KALRN: variants seen among roughly 807,000 people sequenced by gnomAD.
KALRN encodes the protein kalirin.
A neutral mutation model predicts 353.7 loss-of-function variants in KALRN; 70 were observed. The observed-to-expected ratio is 0.20, with a 90% CI of 0.16 to 0.24. KALRN has a LOEUF of 0.24. Ranked by LOEUF, KALRN falls within the 10% of genes least tolerant of loss-of-function variation. The probability of loss-of-function intolerance (pLI) is 1.00; values close to 1 mark genes in which losing one functional copy is unlikely to be tolerated. For missense variants in KALRN, 2,791 were observed against 3,756.7 expected (o/e 0.74, Z 6.72); for synonymous variants, 1,391 against 1,434.8 (o/e 0.97, Z 0.69).
chr3:124,651,239 C>T (rs766444338), intron 38 of KALRN, among the ~76,000 whole-genome samples: 2 of 152,176 alleles, frequency 1.3e-5, no homozygotes, highest in Non-Finnish European at 2.9e-5. Context: ...GTTGAGGAAA[C>T]TATGAGACTG....
intron 1 of KALRN, among the ~76,000 whole-genome samples, chr3:124,073,217 T>C (rs1379982998): frequency 2.6e-5 from 4 of 152,212 alleles, no homozygotes; most frequent in African/African-American, 4.8e-5. Context: ...ATAGATCTGC[T>C]CTCAAAGTAC....
intron 1 of KALRN, among the ~76,000 whole-genome samples, chr3:124,146,471 C>T (rs776194139): frequency 4.6e-5 from 7 of 152,136 alleles, no homozygotes; most frequent in Non-Finnish European, 8.8e-5. Context: ...TCAAACTGAG[C>T]CTTCACTGCA....
At chr3:124,264,955 C>T (rs2073329995) in intron 4 of KALRN, among the ~76,000 whole-genome samples, 1 of 152,184 alleles carries the variant, frequency 6.6e-6, no homozygotes, top group African/African-American at 2.4e-5. Context: ...TTTGTGGAGG[C>T]AGCTTTGCAA....
intron 2 of KALRN, among the ~76,000 whole-genome samples, chr3:124,231,064 C>T (rs2079100534): frequency 6.6e-6 from 1 of 152,180 alleles, no homozygotes; most frequent in African/African-American, 2.4e-5. Context: ...TTGAGCCTGC[C>T]CTCCTCTGCT....
In KALRN at chr3:124,433,596, T is replaced by TAA. The variant is rs144487793; in HGVS notation, c.2830-692_2830-691dup. On this transcript the variant is annotated intron_variant, in intron 16 of 59. Transcript: ENST00000682506. ...CTCGGTGATAGATCAAGACCCTGTC[T>TAA]AAAAAAAAAAAAAAAAAAAAGGAAA... 2.2e-3 allele frequency among the ~76,000 whole-genome samples: 212 copies of TAA among 95,080 alleles called. 4 individuals are homozygous for TAA. The East Asian group carries it at 0.032, about 14-fold the overall frequency. 62.4% of individuals were successfully genotyped at this position (95,080 alleles called of 152,430 possible).
rs183598779 is a variant in KALRN, at chr3:124,093,721, T to C, written c.73+59908T>C. The stretch of plus-strand genomic sequence containing the variant: ...TTGAGGGACACAAAGATGGAGTTTA[T>C]GGGCAAGTAAGGGAGAAGAGTCATA... On this transcript the variant is annotated intron_variant, in intron 1 of 59. Transcript: ENST00000682506. Among the ~76,000 whole-genome samples, 483 of 152,186 alleles carry C rather than the reference T, an allele frequency of 3.2e-3. 2 individuals carry two copies. Among genetic ancestry groups the C allele is most frequent in the African/African-American group, 0.011 (469 of 41,492 alleles).
intron 1 of KALRN, among the ~76,000 whole-genome samples, chr3:124,092,771 T>C (rs2061196779): frequency 2.6e-5 from 4 of 152,232 alleles, no homozygotes. Flanking sequence ...TTCTCTTCTG[T>C]ATACTGGAGA....
At chr3:124,444,587 C>T (rs1576991660) in intron 19 of KALRN, among the ~76,000 whole-genome samples, 1 of 150,816 alleles carries the variant, frequency 6.6e-6, no homozygotes, top group South Asian at 2.1e-4. Context: ...CACTTGAGCT[C>T]AGAAGTTTGA....
At chr3:124,085,449 T>G (rs1249575831) in intron 1 of KALRN, among the ~76,000 whole-genome samples, 3 of 152,182 alleles carry the variant, frequency 2.0e-5, no homozygotes, top group South Asian at 2.1e-4. Flanking sequence ...TCCTGACTCT[T>G]GTGGTAAATA....
intron 33 of KALRN, among the ~76,000 whole-genome samples, chr3:124,552,795 C>T (rs2070707699): frequency 6.6e-6 from 1 of 152,156 alleles, no homozygotes; most frequent in Non-Finnish European, 1.5e-5. Context: ...GATGGAGTTT[C>T]ACTCTTGTCG....
intron 18 of KALRN, among the ~76,000 whole-genome samples, chr3:124,439,706 T>C (rs995938205): frequency 6.6e-6 from 1 of 152,206 alleles, no homozygotes; most frequent in Non-Finnish European, 1.5e-5. Context: ...GAGAAATGCC[T>C]TATTCCTAAT....
chr3:124,209,492 CAAAAA>C (rs5852396), intron 1 of KALRN, among the ~76,000 whole-genome samples: 5 of 70,046 alleles, frequency 7.1e-5, no homozygotes, highest in East Asian at 4.9e-4. Flanking sequence ...CACTCTGTCT[CAAAAA>C]AAAAAAAAAA....
At chr3:124,170,238 A>G (rs2071541620) in intron 1 of KALRN, among the ~76,000 whole-genome samples, 1 of 152,214 alleles carries the variant, frequency 6.6e-6, no homozygotes, top group Admixed American at 6.5e-5. Context: ...TTTTCTCTGA[A>G]GGAATCTCTC....
At chr3:124,035,672 A>G (rs895046241) in intron 1 of KALRN, among the ~76,000 whole-genome samples, 4 of 152,366 alleles carry the variant, frequency 2.6e-5, no homozygotes, top group Non-Finnish European at 4.4e-5. Flanking sequence ...GTTAATGGCC[A>G]ATAATAGTCC....
In KALRN at chr3:124,702,148, T is replaced by A. The variant is rs956703063; in HGVS notation, c.8075+32T>A. On this transcript the variant is annotated intron_variant, in intron 57 of 59. Transcript: ENST00000682506. ...ACACAGTTTTATATTCCTTCATTCATGAACACCTAGCAACATCACATCAGA... is the reference window on the plus strand; with the variant it reads ...ACACAGTTTTATATTCCTTCATTCAAGAACACCTAGCAACATCACATCAGA... The A allele has an allele frequency of 1.6e-5, 22 of 1,377,714 alleles. No homozygotes were observed. The African/African-American group carries it at 3.1e-4, about 20-fold the overall frequency. 85.3% of individuals were successfully genotyped at this position (1,377,714 alleles called of 1,614,324 possible).
chr3:124,706,620 A>T (rs1276519639), intron 57 of KALRN, among the ~76,000 whole-genome samples: 1 of 150,814 alleles, frequency 6.6e-6, no homozygotes, highest in Non-Finnish European at 1.5e-5. Flanking sequence ...CCCAGGCTGG[A>T]GTGCAGTGAT....
chr3:124,591,627 G>T (rs1034195860), intron 34 of KALRN, among the ~76,000 whole-genome samples: 2 of 152,176 alleles, frequency 1.3e-5, no homozygotes, highest in African/African-American at 4.8e-5. Context: ...TGTGAAGATT[G>T]GTTAAGACAA....
chr3:124,689,650 C>T (rs1262173880), intron 51 of KALRN, among the ~76,000 whole-genome samples: 3 of 152,170 alleles, frequency 2.0e-5, no homozygotes, highest in Admixed American at 6.5e-5. Flanking sequence ...CACACACCAG[C>T]AATGACCACT....
At chr3:124,232,578 C>T (rs1157984700) in intron 2 of KALRN, among the ~76,000 whole-genome samples, 4 of 152,196 alleles carry the variant, frequency 2.6e-5, no homozygotes, top group South Asian at 2.1e-4. Context: ...TGTCCCTACC[C>T]TTCCCAGCAT....
Sources: allele counts gnomAD v4.1 joint callset (sites outside exome capture counted in the v4.1 genomes callset), GRCh38; gene constraint gnomAD v4.1.1; transcripts MANE v1.5; gene names NCBI Gene and HGNC (gene_info 2026-07-23, HGNC 2026-07-21).